SLC2A5: variants seen among roughly 807,000 people sequenced by gnomAD.
SLC2A5 encodes the protein solute carrier family 2, facilitated glucose transporter member 5.
Under a neutral mutation model 50.3 loss-of-function variants are expected in SLC2A5, and 56 were observed. The ratio of observed to expected loss-of-function variants is 1.11; its 90% CI spans 0.90 to 1.39. The LOEUF (loss-of-function observed/expected upper bound fraction) is 1.39, where lower values mean the gene tolerates loss of function less well. Among genes scored for constraint, SLC2A5 ranks in the 40% most tolerant of loss-of-function variants. SLC2A5 has a pLI of 0.00. For synonymous variants in SLC2A5, 269 were observed against 281.9 expected (o/e 0.95, Z 0.46); for missense variants, 566 against 650.1 (o/e 0.87, Z 1.41).
chr1:9,056,047 C>G (rs1402461852), intron 3 of SLC2A5, among the ~76,000 whole-genome samples: 1 of 152,194 alleles, frequency 6.6e-6, no homozygotes, highest in East Asian at 1.9e-4. Flanking sequence ...AAGCGGCGTG[C>G]TCTTAACTCA....
At chr1:9,047,860 C>G (rs1252661323) in intron 3 of SLC2A5, 126 bp from the exon 4 acceptor site, 1 of 973,390 alleles carries the variant, frequency 1.0e-6, no homozygotes, top group Non-Finnish European at 1.5e-6. Flanking sequence ...GTGCGTTTAG[C>G]TCTCTGGGAC....
chr1:9,047,276 A>G (rs1464823930), intron 4 of SLC2A5, among the ~76,000 whole-genome samples: 1 of 152,218 alleles, frequency 6.6e-6, no homozygotes, highest in Non-Finnish European at 1.5e-5. Context: ...ATTTTTAAAA[A>G]GAAAATGCTG....
intron 3 of SLC2A5, among the ~76,000 whole-genome samples, chr1:9,049,405 C>T (rs2124361298): frequency 6.6e-6 from 1 of 152,286 alleles, no homozygotes; most frequent in East Asian, 1.9e-4. Flanking sequence ...CTACAGTAAT[C>T]AAGACAGCGT....
intron 5 of SLC2A5, chr1:9,041,557 C>T: frequency 7.3e-7 from 1 of 1,370,464 alleles, no homozygotes. Context: ...CCTCATCCAT[C>T]TCCTAAGAGG....
At chr1:9,088,654 G>A (rs1037386408), upstream of SLC2A5, among the ~76,000 whole-genome samples, 2 of 152,154 alleles carry the variant, frequency 1.3e-5, no homozygotes, top group African/African-American at 4.8e-5. Flanking sequence ...GTGGTGGCGG[G>A]TGCCTGTAGT....
At chr1:9,066,854 T>C (rs1015192979) in intron 1 of SLC2A5, among the ~76,000 whole-genome samples, 1 of 151,950 alleles carries the variant, frequency 6.6e-6, no homozygotes, top group East Asian at 1.9e-4. Context: ...GCTACATGCC[T>C]GTAGTCCCAG....
chr1:9,090,388 T>A (rs1006411497), upstream of SLC2A5, among the ~76,000 whole-genome samples: 12 of 152,106 alleles, frequency 7.9e-5, no homozygotes, highest in Non-Finnish European at 1.5e-5. Context: ...TCCTACAATA[T>A]CCCCTCAATC....
chr1:9,065,578 C>T (rs991700954), intron 1 of SLC2A5, among the ~76,000 whole-genome samples: 4 of 152,184 alleles, frequency 2.6e-5, no homozygotes, highest in African/African-American at 7.2e-5. Flanking sequence ...AGATGAGCAT[C>T]GTCAGCCGCT....
At position 9,063,974 on chromosome 1, in the gene SLC2A5, C is replaced by T. The variant is rs377303208; in HGVS notation, c.33+5530G>A. Among the ~76,000 whole-genome samples, 8 of 130,434 alleles carry T rather than the reference C, an allele frequency of 6.1e-5. 1 individual carries two copies. In the East Asian group the frequency reaches 1.5e-3, roughly 24 times the overall value. The allele number at this position is 130,434 out of a possible 152,430, so 85.6% of individuals were successfully genotyped here. On this transcript the variant is annotated intron_variant, in intron 1 of 11. Transcript: ENST00000377424. ...CCTCCCAAAGTGCTGGGATTACAGG[C>T]GTGAGCCACCGCGCCCGGCCTATTT...
chr1:9,048,110 C>T (rs1436879830), intron 3 of SLC2A5, among the ~76,000 whole-genome samples: 4 of 152,164 alleles, frequency 2.6e-5, no homozygotes, highest in Middle Eastern at 3.2e-3. Context: ...AAGTATAGGT[C>T]CATCTCACTT....
upstream of SLC2A5, among the ~76,000 whole-genome samples, chr1:9,090,491 T>C (rs1314224361): frequency 6.6e-6 from 1 of 152,072 alleles, no homozygotes; most frequent in East Asian, 1.9e-4. Context: ...ATAATCCTAT[T>C]CTCCCAATTA....
At chr1:9,046,741 G>A (rs1348923752) in intron 4 of SLC2A5, among the ~76,000 whole-genome samples, 3 of 151,272 alleles carry the variant, frequency 2.0e-5, no homozygotes, top group South Asian at 4.2e-4. Flanking sequence ...TTTACTACAC[G>A]TAACACTGCC....
At position 9,035,985 on chromosome 1, in the gene SLC2A5, C is replaced by T. The variant is rs1641127143; in HGVS notation, c.*1601G>A. 6.6e-6 allele frequency: 1 copy of T among 152,210 alleles called. No individual in the cohort carries two copies. Among genetic ancestry groups the T allele is most frequent in the Admixed American group, 6.5e-5 (1 of 15,274 alleles). 9.4% of individuals were successfully genotyped at this position (152,210 alleles called of 1,614,324 possible). ...GCCCCCATGATTCAATTATCTCCCA[C>T]AGGGTCCCTCCCAGAACACATGGGA... is the stretch of plus-strand genomic sequence containing the variant. On this transcript the variant is annotated 3_prime_UTR_variant, in exon 12 of 12. Coordinates refer to ENST00000377424, the MANE Select transcript of SLC2A5 (RefSeq NM_003039.3).
intron 1 of SLC2A5, among the ~76,000 whole-genome samples, chr1:9,086,389 T>C (rs917949497): frequency 9.5e-4 from 72 of 75,800 alleles, no homozygotes; most frequent in South Asian, 2.3e-3. Context: ...TTCTCTCTCT[T>C]TTTTTTTTTT....
intron 9 of SLC2A5, 63 bp from the exon 10 acceptor site, chr1:9,038,569 G>A (rs186859322): frequency 1.7e-5 from 24 of 1,435,916 alleles, no homozygotes; most frequent in African/African-American, 7.0e-5. Flanking sequence ...CCCAGGGGGC[G>A]GCCAACCTGC....
At chr1:9,051,468 A>G (rs1239232674) in intron 3 of SLC2A5, among the ~76,000 whole-genome samples, 1 of 152,142 alleles carries the variant, frequency 6.6e-6, no homozygotes, top group Non-Finnish European at 1.5e-5. Context: ...AAAACAAACA[A>G]CCCAATTTAA....
At position 9,043,785 on chromosome 1, in the gene SLC2A5, G is replaced by A. The variant is rs528618329; in HGVS notation, c.419-1848C>T. Among the ~76,000 whole-genome samples, 645 of 151,386 alleles carry A rather than the reference G, an allele frequency of 4.3e-3. 2 individuals carry two copies. The highest frequency in any genetic ancestry group is 7.0e-3 in the Non-Finnish European group (474 of 67,858). On this transcript the variant is annotated intron_variant, in intron 4 of 11. Coordinates refer to ENST00000377424, the MANE Select transcript of SLC2A5 (RefSeq NM_003039.3). ...CGCCCAGGCTGGAGTGCAGTGGTGCGATCTCAGCTCACTGCAACCTCTGCC... is the reference window on the plus strand; with the variant it reads ...CGCCCAGGCTGGAGTGCAGTGGTGCAATCTCAGCTCACTGCAACCTCTGCC...
At chr1:9,076,644 T>C (rs1642286621) in intron 2 of SLC2A5, among the ~76,000 whole-genome samples, 1 of 152,154 alleles carries the variant, frequency 6.6e-6, no homozygotes, top group African/African-American at 2.4e-5. Flanking sequence ...CACACCCATT[T>C]ATTAATCTAA....
intron 2 of SLC2A5, 73 bp downstream of exon 2, chr1:9,058,079 G>A (rs527498372): frequency 2.0e-5 from 22 of 1,115,466 alleles, no homozygotes; most frequent in African/African-American, 4.6e-5. Context: ...ACAGCCCCAC[G>A]CTGGCCAGTC....
Sources: allele counts gnomAD v4.1 joint callset (sites outside exome capture counted in the v4.1 genomes callset), GRCh38; gene constraint gnomAD v4.1.1; transcripts MANE v1.5; gene names NCBI Gene and HGNC (gene_info 2026-07-23, HGNC 2026-07-21).